Variants in PPHLN1 observed in about 807,000 individuals in gnomAD.
PPHLN1 encodes the protein periphilin-1.
In PPHLN1, 29 loss-of-function variants were observed where a neutral mutation model predicts 51.3. The observed-to-expected ratio is 0.57, with a 90% CI of 0.42 to 0.77. The LOEUF is 0.77. Ranked by LOEUF, PPHLN1 falls within the 30% of genes least tolerant of loss-of-function variation. The probability of loss-of-function intolerance (pLI) is 0.00; values close to 1 mark genes in which losing one functional copy is unlikely to be tolerated. For missense variants in PPHLN1, 436 were observed against 438.4 expected (o/e 0.99, Z 0.05); for synonymous variants, 147 against 147.8 (o/e 0.99, Z 0.04).
At chr12:42,365,670 T>G (rs2075195820) in intron 4 of PPHLN1, among the ~76,000 whole-genome samples, 1 of 152,198 alleles carries the variant, frequency 6.6e-6, no homozygotes, top group Admixed American at 6.5e-5. Flanking sequence ...TATGGGGTGT[T>G]AGTTCTTCCC....
chr12:42,335,972 A>T lies in PPHLN1; in HGVS notation c.70A>T (p.Ser24Cys). 1 of 1,568,340 alleles carries T rather than the reference A, an allele frequency of 6.4e-7. No homozygotes were observed. The highest frequency in any genetic ancestry group is 8.7e-7 in the Non-Finnish European group (1 of 1,153,160). The change falls in exon 2 of 10, where the codon AGT becomes TGT. Residue 24 changes from serine to cysteine, a missense_variant and splice_region_variant. By Grantham distance (112) the Ser-to-Cys change is moderately radical. Transcript: ENST00000358314. ...ACGAGCACCTCCTCGAAGTCATCCC[A>T]GTGTAAGTTACTCCTACATATTGAA... Reference protein sequence around the residue: ...RERAPPRSHPSDGYNRLVNIV... With the variant: ...RERAPPRSHPCDGYNRLVNIV...
At chr12:42,426,396 A>G (rs1256555496) in intron 9 of PPHLN1, among the ~76,000 whole-genome samples, 1 of 152,150 alleles carries the variant, frequency 6.6e-6, no homozygotes, top group African/African-American at 2.4e-5. Flanking sequence ...GATTTTAATA[A>G]TTATCTTGAG....
rs1190696955 is a variant in PPHLN1 at position 42,430,974 on chromosome 12, TC to T, written c.910-10339del. Among the ~76,000 whole-genome samples, 3 of 152,366 alleles carry T rather than the reference TC, an allele frequency of 2.0e-5. No individual in the cohort carries two copies. The East Asian group carries it at 5.8e-4, about 29-fold the overall frequency. On this transcript the variant is annotated intron_variant, in intron 9 of 9. Coordinates refer to ENST00000358314, the MANE Select transcript of PPHLN1 (RefSeq NM_201439.2). ...TCTGGAAATTAGTATTTTCAGTAGT[TC>T]CAGTTATGTCTGAATGGACATGACT...
intron 9 of PPHLN1, chr12:42,399,288 G>A (rs980711829): frequency 4.4e-6 from 4 of 913,524 alleles, no homozygotes; most frequent in Non-Finnish European, 5.3e-6. Flanking sequence ...TGGGATGGAA[G>A]AAATGTTCAA....
chr12:42,439,318 C>T (rs548281658), intron 9 of PPHLN1, among the ~76,000 whole-genome samples: 163 of 152,276 alleles, frequency 1.1e-3, no homozygotes, highest in Middle Eastern at 3.4e-3. Flanking sequence ...AAGTCTTGAA[C>T]GTAACTGTCA....
downstream of PPHLN1, chr12:42,445,242 C>A: frequency 1.6e-6 from 1 of 616,874 alleles, no homozygotes; most frequent in South Asian, 1.9e-5. Flanking sequence ...ACTGCTTAAC[C>A]AAGCCACCCA....
intron 7 of PPHLN1, among the ~76,000 whole-genome samples, chr12:42,393,285 A>C (rs906059481): frequency 3.0e-4 from 45 of 152,168 alleles, no homozygotes; most frequent in Non-Finnish European, 6.3e-4. Context: ...TATAATTATT[A>C]TATGAGTTAA....
intron 2 of PPHLN1, among the ~76,000 whole-genome samples, chr12:42,337,777 T>TTTA (rs1555178700): frequency 3.6e-5 from 5 of 140,368 alleles, no homozygotes; most frequent in African/African-American, 1.4e-4. Flanking sequence ...TTTTATTTTA[T>TTTA]TTTATTTATT....
At chr12:42,443,125 C>G (rs2083095745), downstream of PPHLN1, 2 of 160,374 alleles carry the variant, frequency 1.2e-5, no homozygotes, top group African/African-American at 4.8e-5. Context: ...GAACCATCAC[C>G]TTATCGCCTC....
intron 9 of PPHLN1, chr12:42,433,363 C>A: frequency 2.1e-6 from 1 of 484,462 alleles, no homozygotes; most frequent in Non-Finnish European, 3.9e-6. Flanking sequence ...GAGTTGCTTA[C>A]TTAAGGGAGA....
intron 9 of PPHLN1, among the ~76,000 whole-genome samples, chr12:42,413,512 C>CTA (rs1264480821): frequency 6.9e-6 from 1 of 144,660 alleles, no homozygotes; most frequent in East Asian, 2.0e-4. Flanking sequence ...GTTTTGATAA[C>CTA]TATATATATG....
At chr12:42,418,846 G>T (rs2080718866) in intron 9 of PPHLN1, among the ~76,000 whole-genome samples, 1 of 151,884 alleles carries the variant, frequency 6.6e-6, no homozygotes, top group African/African-American at 2.4e-5. Context: ...GGCACTACAT[G>T]TTTTTTTCAC....
At chr12:42,393,414 T>A (rs1013304224) in intron 7 of PPHLN1, among the ~76,000 whole-genome samples, 156 bp from the exon 8 acceptor site, 3 of 152,174 alleles carry the variant, frequency 2.0e-5, no homozygotes, top group Non-Finnish European at 4.4e-5. Context: ...TAATTCCATG[T>A]TGAATATTTT....
chr12:42,409,187 T>TG, intron 9 of PPHLN1, among the ~76,000 whole-genome samples: 1 of 152,088 alleles, frequency 6.6e-6, no homozygotes, highest in East Asian at 1.9e-4. Flanking sequence ...AAACTGCTGA[T>TG]TGGGGGTGAG....
chr12:42,398,654 A>G, intron 8 of PPHLN1, 200 bp from the exon 9 acceptor site: 2 of 417,248 alleles, frequency 4.8e-6, no homozygotes, highest in Non-Finnish European at 8.2e-6. Flanking sequence ...ATATTAAAAA[A>G]AAAAAAGTAG....
chr12:42,326,585 A>ATGTTT (rs1197244331), intron 1 of PPHLN1, among the ~76,000 whole-genome samples: 6 of 152,152 alleles, frequency 3.9e-5, no homozygotes, highest in Non-Finnish European at 7.4e-5. Flanking sequence ...CAGACCTTTT[A>ATGTTT]TGTTTTGTTT....
At chr12:42,440,165 A>G (rs2139992281) in intron 9 of PPHLN1, among the ~76,000 whole-genome samples, 1 of 150,700 alleles carries the variant, frequency 6.6e-6, no homozygotes, top group South Asian at 2.1e-4. Context: ...TTTCATTGGT[A>G]TTTTATAGTT....
intron 4 of PPHLN1, 109 bp from the exon 5 acceptor site, chr12:42,374,754 C>T: frequency 1.1e-6 from 1 of 946,884 alleles, no homozygotes; most frequent in Non-Finnish European, 1.5e-6. Context: ...GCACCCGGCC[C>T]CAAGAGTACA....
chr12:42,402,129 G>A (rs545996630), intron 9 of PPHLN1, among the ~76,000 whole-genome samples: 37 of 152,284 alleles, frequency 2.4e-4, no homozygotes, highest in African/African-American at 7.9e-4. Flanking sequence ...GTAAGCCACC[G>A]CACCCGGCCC....
Sources: gnomAD v4.1 joint callset for allele counts (sites outside exome capture counted in the v4.1 genomes callset) on GRCh38, gnomAD v4.1.1 for gene constraint, MANE v1.5 for transcripts, NCBI Gene and HGNC (gene_info 2026-07-23, HGNC 2026-07-21) for gene names.